COMMD1: variants seen among roughly 807,000 people sequenced by gnomAD.
COMMD1 encodes copper metabolism domain containing 1, also known as COMM domain-containing protein 1.
COMMD1 carries 10 observed loss-of-function variants against 17.2 expected under a neutral mutation model. The observed-to-expected ratio is 0.58, with a 90% CI of 0.36 to 0.99. The LOEUF (loss-of-function observed/expected upper bound fraction) is 0.99, where lower values mean the gene tolerates loss of function less well. Among genes scored for constraint, COMMD1 ranks in the 50% least tolerant of loss-of-function variants. The pLI is 0.01. For missense variants in COMMD1, 270 were observed against 231.8 expected (o/e 1.17, Z -1.07); for synonymous variants, 97 against 91.6 (o/e 1.06, Z -0.34).
chr2:62,016,023 G>A (rs1669434647), intron 2 of COMMD1, among the ~76,000 whole-genome samples: 1 of 151,886 alleles, frequency 6.6e-6, no homozygotes, highest in African/African-American at 2.4e-5. Context: ...GTAGAGACAG[G>A]GTTTCACCAC....
chr2:62,054,423 A>G (rs966092084), intron 2 of COMMD1, among the ~76,000 whole-genome samples: 2 of 152,248 alleles, frequency 1.3e-5, no homozygotes, highest in Admixed American at 6.5e-5. Context: ...CATTCATAAT[A>G]GCAAGGATAT....
intron 2 of COMMD1, among the ~76,000 whole-genome samples, chr2:62,051,904 C>T (rs1348102528): frequency 6.6e-6 from 1 of 152,206 alleles, no homozygotes; most frequent in Non-Finnish European, 1.5e-5. Flanking sequence ...AGCTCATTTA[C>T]TAAGCTGAGT....
intron 1 of COMMD1, among the ~76,000 whole-genome samples, chr2:61,892,906 C>A (rs1003738520): frequency 1.3e-5 from 2 of 151,742 alleles, no homozygotes; most frequent in Admixed American, 1.3e-4. Context: ...CTCGCTCTGT[C>A]GCCCAGCCTG....
chr2:62,054,071 A>G (rs971296410), intron 2 of COMMD1, among the ~76,000 whole-genome samples: 1 of 152,346 alleles, frequency 6.6e-6, no homozygotes. Context: ...AAAAGAAGAC[A>G]TATAAATGGC....
At position 62,088,183 on chromosome 2, in the gene COMMD1, C is replaced by T. The variant is rs558172417; in HGVS notation, c.463-47648C>T. ...TGATGTCTTCCTCAGTACTTCATTA[C>T]TTGTCTTATAAATATACTTCCAGCC... On this transcript the variant is annotated intron_variant, in intron 2 of 2. Transcript: ENST00000311832. Among the ~76,000 whole-genome samples the T allele has an allele frequency of 2.0e-5, 3 of 152,214 alleles. 1 individual carries two copies. The highest frequency in any genetic ancestry group is 7.2e-5 in the African/African-American group (3 of 41,542).
intron 2 of COMMD1, among the ~76,000 whole-genome samples, chr2:62,041,888 G>A (rs1365418684): frequency 3.9e-5 from 6 of 152,228 alleles, no homozygotes; most frequent in African/African-American, 7.2e-5. Flanking sequence ...AGGCGATGCA[G>A]ACCCAAAGAG....
intron 1 of COMMD1, among the ~76,000 whole-genome samples, chr2:61,997,692 T>G (rs917763051): frequency 4.6e-5 from 7 of 152,146 alleles, no homozygotes; most frequent in African/African-American, 1.7e-4. Flanking sequence ...CAGAGTAGAT[T>G]TAACATCATT....
intron 2 of COMMD1, among the ~76,000 whole-genome samples, chr2:62,133,490 A>C (rs1282856343): frequency 6.6e-6 from 1 of 152,178 alleles, no homozygotes; most frequent in Non-Finnish European, 1.5e-5. Flanking sequence ...AGGAGAAAAA[A>C]AATTATAAAT....
intron 1 of COMMD1, among the ~76,000 whole-genome samples, chr2:61,996,523 G>A (rs957653980): frequency 6.6e-5 from 10 of 152,128 alleles, no homozygotes; most frequent in African/African-American, 2.4e-4. Context: ...AGCATGTGAT[G>A]CTGTTTGATA....
chr2:62,055,487 G>A, intron 2 of COMMD1: 1 of 455,976 alleles, frequency 2.2e-6, no homozygotes, highest in Non-Finnish European at 4.4e-6. Context: ...CTTTGTATAT[G>A]TGGCGACCGG....
chr2:61,906,748 A>T (rs1053609502), intron 1 of COMMD1, among the ~76,000 whole-genome samples: 1 of 151,990 alleles, frequency 6.6e-6, no homozygotes, highest in Non-Finnish European at 1.5e-5. Flanking sequence ...TGTTTCTTGA[A>T]AAAAAAACCT....
At chr2:61,953,267 C>T (rs1343514239) in intron 1 of COMMD1, among the ~76,000 whole-genome samples, 1 of 152,138 alleles carries the variant, frequency 6.6e-6, no homozygotes, top group Non-Finnish European at 1.5e-5. Flanking sequence ...GCCTCGGCCT[C>T]CCAACGTGCT....
At chr2:62,042,129 G>A (rs1045394476) in intron 2 of COMMD1, among the ~76,000 whole-genome samples, 6 of 152,166 alleles carry the variant, frequency 3.9e-5, no homozygotes, top group Non-Finnish European at 8.8e-5. Context: ...TTGACAGAGC[G>A]CTGATTGGTG....
intron 2 of COMMD1, among the ~76,000 whole-genome samples, chr2:62,125,180 G>T (rs1369847281): frequency 6.6e-6 from 1 of 152,198 alleles, no homozygotes; most frequent in Non-Finnish European, 1.5e-5. Flanking sequence ...CTAGGAGATT[G>T]TGAGAATATG....
At chr2:61,893,103 GTGA>G in intron 1 of COMMD1, among the ~76,000 whole-genome samples, 1 of 152,114 alleles carries the variant, frequency 6.6e-6, no homozygotes, top group African/African-American at 2.4e-5. Flanking sequence ...CCGACCACAG[GTGA>G]TCTGCCCACC....
chr2:62,012,258 AACACACACACATAC>A (rs1160112290), intron 2 of COMMD1, among the ~76,000 whole-genome samples: 5 of 102,330 alleles, frequency 4.9e-5, no homozygotes, highest in African/African-American at 2.0e-4. Context: ...CCTTGTCTCA[AACACACACACATAC>A]ACACACACAC....
At chr2:61,917,995 A>G (rs961964725) in intron 1 of COMMD1, among the ~76,000 whole-genome samples, 1 of 152,218 alleles carries the variant, frequency 6.6e-6, no homozygotes, top group African/African-American at 2.4e-5. Flanking sequence ...TATTCTGTCT[A>G]CATCCTTAAC....
chr2:62,101,417 T>G (rs1030773448), intron 2 of COMMD1, among the ~76,000 whole-genome samples: 4 of 152,130 alleles, frequency 2.6e-5, no homozygotes, highest in African/African-American at 9.7e-5. Context: ...AAGACCAGCC[T>G]GGGCAACATA....
chr2:61,969,144 GTTT>G (rs1450224149), intron 1 of COMMD1: 2 of 233,236 alleles, frequency 8.6e-6, no homozygotes, highest in African/African-American at 2.3e-5. Context: ...GGTTTTTTTT[GTTT>G]GTTTGTTTTC....
Sources: allele counts gnomAD v4.1 joint callset (sites outside exome capture counted in the v4.1 genomes callset), GRCh38; gene constraint gnomAD v4.1.1; transcripts MANE v1.5; gene names NCBI Gene and HGNC (gene_info 2026-07-23, HGNC 2026-07-21).